The following RGS6 variants were observed in gnomAD, a reference collection of about 807,000 sequenced individuals.
RGS6 encodes the protein regulator of G protein signaling 6.
Under a neutral mutation model 78.5 loss-of-function variants are expected in RGS6, and 30 were observed. That is an observed-to-expected ratio of 0.38 (90% CI 0.29 to 0.52). RGS6 has a LOEUF of 0.52. Ranked by LOEUF, RGS6 falls within the 20% of genes least tolerant of loss-of-function variation. The pLI is 0.85. For synonymous variants in RGS6, 206 were observed against 206.0 expected (o/e 1.00, Z 0.00); for missense variants, 495 against 609.7 (o/e 0.81, Z 1.98).
the RGS6 span, among the ~76,000 whole-genome samples, chr14:71,873,356 T>A: frequency 1.7e-3 from 256 of 152,330 alleles, no homozygotes; most frequent in African/African-American, 5.9e-3. Context: ...AGATGGTATC[T>A]CATTGTGGTT....
chr14:72,463,552 TCCCATTTTGACCCCGCTTA>T (rs946990281), intron 6 of RGS6, among the ~76,000 whole-genome samples: 2 of 152,218 alleles, frequency 1.3e-5, no homozygotes, highest in African/African-American at 2.4e-5. Context: ...AACCCCGCTG[TCCCATTTTGACCCCGCTTA>T]CCCATTTGGA....
intron 2 of RGS6, among the ~76,000 whole-genome samples, chr14:72,334,006 C>G (rs1225512735): frequency 2.0e-5 from 3 of 152,242 alleles, no homozygotes; most frequent in Non-Finnish European, 4.4e-5. Flanking sequence ...ACGTGTGTTA[C>G]CACAAATGCG....
At chr14:72,165,465 T>C (rs1171448347) in intron 2 of RGS6, among the ~76,000 whole-genome samples, 1 of 152,238 alleles carries the variant, frequency 6.6e-6, no homozygotes, top group Non-Finnish European at 1.5e-5. Flanking sequence ...GCAGTTATGC[T>C]GTATAGCCAA....
chr14:72,111,718 A>G (rs187269154), intron 2 of RGS6, among the ~76,000 whole-genome samples: 4 of 152,258 alleles, frequency 2.6e-5, no homozygotes, highest in East Asian at 1.9e-4. Context: ...CCACATTTGT[A>G]TATATGTGGC....
intron 2 of RGS6, among the ~76,000 whole-genome samples, chr14:71,984,936 A>G (rs751127187): frequency 4.6e-5 from 7 of 152,144 alleles, no homozygotes; most frequent in Admixed American, 2.6e-4. Flanking sequence ...ACATATTCCT[A>G]TCATGCAAAT....
intron 2 of RGS6, among the ~76,000 whole-genome samples, chr14:72,061,435 G>A (rs1318441574): frequency 1.3e-5 from 2 of 152,070 alleles, no homozygotes; most frequent in Non-Finnish European, 2.9e-5. Flanking sequence ...AGATGTGTTT[G>A]CATAATGAAG....
At chr14:72,587,882 C>T in the RGS6 span, among the ~76,000 whole-genome samples, 1 of 152,212 alleles carries the variant, frequency 6.6e-6, no homozygotes, top group African/African-American at 2.4e-5. Context: ...CACTTTGCTT[C>T]ACAAATCCTG....
At chr14:72,012,020 T>G (rs548531291) in intron 2 of RGS6, among the ~76,000 whole-genome samples, 1 of 152,232 alleles carries the variant, frequency 6.6e-6, no homozygotes, top group Non-Finnish European at 1.5e-5. Flanking sequence ...TATTCATGTT[T>G]GGAAATCTGT....
intron 3 of RGS6, among the ~76,000 whole-genome samples, chr14:72,415,826 T>C (rs1441947647): frequency 6.6e-6 from 1 of 152,224 alleles, no homozygotes; most frequent in African/African-American, 2.4e-5. Context: ...ATTCATTTGA[T>C]TGTACACTTG....
chr14:72,282,180 G>C (rs1282733578), intron 2 of RGS6, among the ~76,000 whole-genome samples: 1 of 152,166 alleles, frequency 6.6e-6, no homozygotes, highest in Non-Finnish European at 1.5e-5. Context: ...GAACCCTTGA[G>C]TTGTGGCAGC....
chr14:71,959,862 A>T (rs773191934), intron 1 of RGS6, among the ~76,000 whole-genome samples: 3 of 152,114 alleles, frequency 2.0e-5, no homozygotes, highest in Non-Finnish European at 4.4e-5. Context: ...ACCCTGCGTG[A>T]TGGAGGGGTC....
chr14:71,917,415 G>T, the RGS6 span, among the ~76,000 whole-genome samples: 1 of 152,120 alleles, frequency 6.6e-6, no homozygotes, highest in East Asian at 1.9e-4. Flanking sequence ...TAGGGAAAAG[G>T]TTTTTACCAC....
intron 2 of RGS6, among the ~76,000 whole-genome samples, chr14:72,190,376 C>A (rs149633): frequency 0.53 from 80,390 of 152,118 alleles, 21,402 homozygotes; most frequent in East Asian, 0.77. Flanking sequence ...CTGGGGATTA[C>A]GGAAAGAGAC....
In RGS6 at chr14:72,455,420, A is replaced by C. The variant is rs371625425; in HGVS notation, c.235+842A>C. Among the ~76,000 whole-genome samples the C allele has an allele frequency of 4.3e-4, 65 of 152,318 alleles. 1 individual carries two copies. The South Asian group carries it at 0.013, about 32-fold the overall frequency. ...GATTTTTTTGAAGTGCCCATTCTGC[A>C]TCCGTGACCTTCAGCTGTGAGTCCC... is the stretch of plus-strand genomic sequence containing the variant. On this transcript the variant is annotated intron_variant, in intron 4 of 17. Coordinates refer to ENST00000553525, the MANE Select transcript of RGS6 (RefSeq NM_001204424.2).
chr14:72,142,367 CAGTCTAAGT>C (rs142121324), intron 2 of RGS6, among the ~76,000 whole-genome samples: 2,063 of 150,874 alleles, frequency 0.014, 46 homozygotes, highest in Admixed American at 0.063. Flanking sequence ...GCATCCCAAG[CAGTCTAAGT>C]ACCTATGAAT....
chr14:72,348,974 G>A (rs1025610323), intron 2 of RGS6, among the ~76,000 whole-genome samples: 5 of 151,940 alleles, frequency 3.3e-5, no homozygotes, highest in East Asian at 3.9e-4. Context: ...AGACCATCCT[G>A]GCTAACATGG....
intron 2 of RGS6, among the ~76,000 whole-genome samples, chr14:72,299,018 T>C (rs577869164): frequency 6.6e-6 from 1 of 152,336 alleles, no homozygotes; most frequent in East Asian, 1.9e-4. Flanking sequence ...TTTCAGTCTT[T>C]GAAGGAATTT....
intron 2 of RGS6, among the ~76,000 whole-genome samples, chr14:72,119,698 T>G (rs1295653507): frequency 6.6e-6 from 1 of 152,146 alleles, no homozygotes; most frequent in African/African-American, 2.4e-5. Flanking sequence ...GAGAAAGATG[T>G]GATGGACTGC....
At chr14:71,960,999 G>A (rs932811019) in intron 1 of RGS6, among the ~76,000 whole-genome samples, 12 of 152,156 alleles carry the variant, frequency 7.9e-5, no homozygotes, top group Non-Finnish European at 1.8e-4. Context: ...TATATCCCCA[G>A]GGCCTAGCAT....
Sources: gnomAD v4.1 joint callset for allele counts (sites outside exome capture counted in the v4.1 genomes callset) on GRCh38, gnomAD v4.1.1 for gene constraint, MANE v1.5 for transcripts, NCBI Gene and HGNC (gene_info 2026-07-23, HGNC 2026-07-21) for gene names.